The following PHF14 variants were observed in gnomAD, a reference collection of about 807,000 sequenced individuals.
PHF14 encodes PHD finger protein 14.
A neutral mutation model predicts 117.9 loss-of-function variants in PHF14; 55 were observed. The observed-to-expected ratio is 0.47, with a 90% confidence interval of 0.38 to 0.58. The LOEUF (loss-of-function observed/expected upper bound fraction) is 0.58. Among genes scored for constraint, PHF14 ranks in the 20% least tolerant of loss-of-function variants. The pLI, the probability that PHF14 is intolerant of heterozygous loss-of-function variation, is 0.00. For missense variants in PHF14, 978 were observed against 1,122.2 expected, an observed-to-expected ratio of 0.87 and a Z score of 1.84; for synonymous variants, 409 against 368.6, an observed-to-expected ratio of 1.11 and a Z score of -1.26.
intron 16 of PHF14, among the ~76,000 whole-genome samples, chr7:11,076,933 A>G (rs1305246949): frequency 2.7e-5 from 4 of 146,532 alleles, no homozygotes; most frequent in Middle Eastern, 3.6e-3. Flanking sequence ...AAGATATGTT[A>G]GTATCTCAAT....
chr7:11,151,937 C>G (rs370474181), intron 17 of PHF14, among the ~76,000 whole-genome samples: 7 of 152,148 alleles, frequency 4.6e-5, no homozygotes, highest in South Asian at 2.1e-4. Flanking sequence ...CATTTTTCCT[C>G]TTCTATTTCT....
intron 14 of PHF14, among the ~76,000 whole-genome samples, chr7:11,059,887 T>G (rs1419126026): frequency 2.6e-5 from 4 of 152,198 alleles, no homozygotes; most frequent in Admixed American, 2.6e-4. Context: ...TTTATTTTTT[T>G]GAGACAAAGT....
At chr7:10,976,014 A>G (rs184255051) in intron 2 of PHF14, among the ~76,000 whole-genome samples, 2 of 152,318 alleles carry the variant, frequency 1.3e-5, no homozygotes, top group East Asian at 3.9e-4. Flanking sequence ...TTTTCACAGT[A>G]ACTTAGTGAA....
chr7:11,156,561 G>A (rs1483029258), intron 17 of PHF14, among the ~76,000 whole-genome samples: 10 of 152,156 alleles, frequency 6.6e-5, no homozygotes, highest in African/African-American at 2.4e-4. Flanking sequence ...GTGGGAGGCC[G>A]AGGCGGCGGA....
chr7:10,999,552 C>T (rs1782784653), intron 4 of PHF14, among the ~76,000 whole-genome samples: 1 of 152,094 alleles, frequency 6.6e-6, no homozygotes, highest in Non-Finnish European at 1.5e-5. Context: ...TGTTTTGCTC[C>T]TTGGACTCTT....
rs777226423 is a variant in PHF14, at chr7:11,062,128, CTA to C, written c.2654+47_2654+48del. On this transcript the variant is annotated intron_variant, in intron 16 of 17. Coordinates refer to ENST00000634607, the MANE Select transcript of PHF14 (RefSeq NM_001007157.2). ...ACCTTGTCTTTAGGGGATGAAAGTTCTATATTTATTTTCTCATCACAGAAAAA... is the reference window on the plus strand; with the variant it reads ...ACCTTGTCTTTAGGGGATGAAAGTTCTATTTATTTTCTCATCACAGAAAAA... The C allele has an allele frequency of 2.6e-6, 4 of 1,514,038 alleles. No individual in the cohort carries two copies. In the African/African-American group the frequency reaches 5.6e-5, roughly 21 times the overall value. The allele number at this position is 1,514,038 out of a possible 1,614,324, so 93.8% of individuals were successfully genotyped here.
chr7:11,049,361 G>C (rs2128326065), intron 13 of PHF14, among the ~76,000 whole-genome samples: 1 of 151,732 alleles, frequency 6.6e-6, no homozygotes, highest in East Asian at 2.0e-4. Context: ...TGTAGTCCCA[G>C]CTACTTAGGA....
intron 4 of PHF14, among the ~76,000 whole-genome samples, chr7:11,010,084 C>T (rs970399446): frequency 1.3e-5 from 2 of 152,046 alleles, no homozygotes; most frequent in African/African-American, 4.8e-5. Context: ...TAATTGCCTA[C>T]TTGTGTGGAT....
chr7:11,121,370 C>T lies in PHF14; in HGVS notation c.2772+9903C>T, dbSNP rs538835053. ...AGCATTTATGCAAAAGAAAACCTTA[C>T]ACTTAAGTAAGGAAATGTTTACTAA... On this transcript the variant is annotated intron_variant, in intron 17 of 17. Coordinates refer to ENST00000634607, the MANE Select transcript of PHF14 (RefSeq NM_001007157.2). Among the ~76,000 whole-genome samples the T allele has an allele frequency of 5.7e-4, 87 of 152,304 alleles. 1 individual carries two copies. Among genetic ancestry groups the T allele is most frequent in the Admixed American group, 5.7e-3 (87 of 15,294 alleles).
Position 11,042,714 on chromosome 7 carries a change from C to T in PHF14, c.2212C>T (p.His738Tyr). ...CGICKKNHDQHLLLLCDTCKL... is the reference protein window; with the variant it reads ...CGICKKNHDQYLLLLCDTCKL... ...GATTTGTAAGAAGAACCATGATCAGCATCTTCTTTTATTGTGTGATACCTG... is the reference window on the plus strand; with the variant it reads ...GATTTGTAAGAAGAACCATGATCAGTATCTTCTTTTATTGTGTGATACCTG... The change falls in exon 13 of 18, where the codon CAT becomes TAT. Residue 738 changes from histidine (H) to tyrosine (Y), a missense_variant. Around this residue, in one of 7 missense-constraint regions of PHF14, gnomAD observed 237 missense variants for 276.4 expected, o/e 0.86. Transcript: ENST00000634607. The T allele has an allele frequency of 6.3e-7, 1 of 1,589,498 alleles. No individual in the cohort carries two copies. The highest frequency in any genetic ancestry group is 8.6e-7 in the Non-Finnish European group (1 of 1,165,634).
At chr7:11,045,452 G>C (rs1023145903) in intron 13 of PHF14, among the ~76,000 whole-genome samples, 5 of 152,120 alleles carry the variant, frequency 3.3e-5, no homozygotes, top group African/African-American at 1.2e-4. Flanking sequence ...GCCTGTGGTA[G>C]CACCCTTACT....
chr7:11,120,615 A>G (rs1339937278), intron 17 of PHF14, among the ~76,000 whole-genome samples: 4 of 152,152 alleles, frequency 2.6e-5, no homozygotes, highest in East Asian at 1.9e-4. Flanking sequence ...CATGGCATTC[A>G]TGGCTCCCTA....
chr7:11,057,208 G>C (rs1386065769), intron 14 of PHF14, among the ~76,000 whole-genome samples: 1 of 151,960 alleles, frequency 6.6e-6, no homozygotes, highest in Non-Finnish European at 1.5e-5. Context: ...TTTAAATTTA[G>C]TTCATTTGCC....
At chr7:11,000,334 C>CTTT (rs71023882) in intron 4 of PHF14, among the ~76,000 whole-genome samples, 17 of 60,370 alleles carry the variant, frequency 2.8e-4, no homozygotes, top group East Asian at 1.3e-3. Context: ...GCTTATTTGC[C>CTTT]TTTTTTTTTT....
At chr7:11,001,834 C>A (rs1206530229) in intron 4 of PHF14, among the ~76,000 whole-genome samples, 3 of 152,108 alleles carry the variant, frequency 2.0e-5, no homozygotes, top group Non-Finnish European at 4.4e-5. Context: ...TTATTTCTTT[C>A]TTTCCAGTGT....
At chr7:11,090,611 C>T (rs933295189) in intron 16 of PHF14, among the ~76,000 whole-genome samples, 3 of 152,118 alleles carry the variant, frequency 2.0e-5, no homozygotes, top group African/African-American at 7.2e-5. Flanking sequence ...TGACTTTTTC[C>T]AAAGCTTGTA....
chr7:11,021,751 T>G (rs1481694562), intron 5 of PHF14, among the ~76,000 whole-genome samples: 1 of 152,174 alleles, frequency 6.6e-6, no homozygotes, highest in Non-Finnish European at 1.5e-5. Context: ...GATTAAAACA[T>G]TCTATCAAGA....
intron 17 of PHF14, among the ~76,000 whole-genome samples, chr7:11,166,226 G>A (rs1192043824): frequency 6.6e-6 from 1 of 151,838 alleles, no homozygotes; most frequent in Non-Finnish European, 1.5e-5. Flanking sequence ...AACACTTCAT[G>A]AAACAAATGT....
intron 16 of PHF14, among the ~76,000 whole-genome samples, chr7:11,101,741 A>G (rs1214604464): frequency 6.6e-6 from 1 of 151,796 alleles, no homozygotes; most frequent in Admixed American, 6.6e-5. Context: ...TTAATTGTTA[A>G]TATAAAAAAG....
Sources: allele counts gnomAD v4.1 joint callset (sites outside exome capture counted in the v4.1 genomes callset), GRCh38; gene constraint gnomAD v4.1.1; regional missense constraint gnomAD v4.1.1; transcripts MANE v1.5; gene names NCBI Gene and HGNC (gene_info 2026-07-23, HGNC 2026-07-21).